Variants in FSTL4 observed in about 807,000 individuals in gnomAD.
FSTL4 encodes follistatin like 4.
Under a neutral mutation model 78.2 loss-of-function variants are expected in FSTL4, and 28 were observed. The ratio of observed to expected loss-of-function variants is 0.36; its 90% CI spans 0.27 to 0.49. The LOEUF (loss-of-function observed/expected upper bound fraction) is 0.49. FSTL4 is among the 20% of genes least tolerant of loss of function. The pLI is 0.98. For synonymous variants in FSTL4, 422 were observed against 440.5 expected (o/e 0.96, Z 0.53); for missense variants, 922 against 1,084.9 (o/e 0.85, Z 2.11).
chr5:133,750,595 C>A, the FSTL4 span, among the ~76,000 whole-genome samples: 2 of 152,086 alleles, frequency 1.3e-5, no homozygotes, highest in African/African-American at 2.4e-5. Context: ...GAGAGAGGAG[C>A]GCGAGGGAAA....
chr5:133,784,932 C>T, the FSTL4 span, among the ~76,000 whole-genome samples: 113,576 of 152,036 alleles, frequency 0.75, 42,578 homozygotes, highest in East Asian at 0.92. Context: ...TAGGTTCAGC[C>T]GCATCATCTA....
At chr5:133,238,778 G>C (rs981228447) in intron 7 of FSTL4, among the ~76,000 whole-genome samples, 1 of 152,218 alleles carries the variant, frequency 6.6e-6, no homozygotes, top group African/African-American at 2.4e-5. Flanking sequence ...CTGAGGTTAC[G>C]GCGACATTCA....
intron 3 of FSTL4, among the ~76,000 whole-genome samples, chr5:133,419,040 T>C (rs1756637309): frequency 6.6e-6 from 1 of 152,260 alleles, no homozygotes; most frequent in South Asian, 2.1e-4. Flanking sequence ...CATAATTATT[T>C]TGAGATTCGT....
the FSTL4 span, among the ~76,000 whole-genome samples, chr5:133,744,691 C>T: frequency 2.0e-5 from 3 of 152,122 alleles, no homozygotes; most frequent in East Asian, 1.9e-4. Flanking sequence ...ATCTGTATCC[C>T]CCTTTCTGCC....
chr5:133,770,088 G>A, the FSTL4 span, among the ~76,000 whole-genome samples: 2 of 152,098 alleles, frequency 1.3e-5, no homozygotes, highest in African/African-American at 4.8e-5. Context: ...GTGTGTTTGT[G>A]TGTGTGGGTG....
intron 3 of FSTL4, among the ~76,000 whole-genome samples, chr5:133,486,412 A>C (rs1758136626): frequency 6.7e-6 from 1 of 149,066 alleles, no homozygotes; most frequent in Non-Finnish European, 1.5e-5. Flanking sequence ...ACGGCAGAGG[A>C]GGGGGGATTG....
chr5:133,200,198 G>A (rs960733499), intron 15 of FSTL4, among the ~76,000 whole-genome samples: 3 of 152,332 alleles, frequency 2.0e-5, no homozygotes, highest in African/African-American at 2.4e-5. Context: ...TCCCTGCCCC[G>A]ATTCTGCCTG....
chr5:133,517,721 G>T (rs1429735338), intron 3 of FSTL4, among the ~76,000 whole-genome samples: 5 of 151,010 alleles, frequency 3.3e-5, no homozygotes, highest in Non-Finnish European at 7.4e-5. Flanking sequence ...AAATCTGCAG[G>T]GTAGGCTGGC....
chr5:133,630,816 G>C, the FSTL4 span, among the ~76,000 whole-genome samples: 3 of 152,166 alleles, frequency 2.0e-5, no homozygotes, highest in East Asian at 5.8e-4. Context: ...ACAGAACAGA[G>C]ACCTTGGAAA....
chr5:133,838,973 GTTGTCC>G, the FSTL4 span, among the ~76,000 whole-genome samples: 5 of 152,210 alleles, frequency 3.3e-5, no homozygotes, highest in African/African-American at 1.2e-4. Flanking sequence ...AATGGCTCCA[GTTGTCC>G]TTGATAGGAG....
chr5:133,437,150 T>C (rs1580707620), intron 3 of FSTL4, among the ~76,000 whole-genome samples: 1 of 152,306 alleles, frequency 6.6e-6, no homozygotes, highest in East Asian at 1.9e-4. Context: ...TATTTGTTTT[T>C]CTGGCAGGAA....
chr5:133,299,464 C>T (rs753230361), intron 6 of FSTL4, among the ~76,000 whole-genome samples: 12 of 152,168 alleles, frequency 7.9e-5, no homozygotes, highest in Non-Finnish European at 1.2e-4. Flanking sequence ...TCTAACCAGG[C>T]GGCGGCTGGC....
chr5:133,821,223 G>GC, the FSTL4 span, among the ~76,000 whole-genome samples: 1 of 152,280 alleles, frequency 6.6e-6, no homozygotes, highest in Admixed American at 6.5e-5. Flanking sequence ...TTTCTTGAGG[G>GC]TTTCATGCTA....
At chr5:133,837,887 T>TTA in the FSTL4 span, among the ~76,000 whole-genome samples, 2,586 of 151,062 alleles carry the variant, frequency 0.017, 52 homozygotes, top group African/African-American at 0.038. Flanking sequence ...TATTTTTATT[T>TTA]TATATATATA....
chr5:133,831,634 A>G, the FSTL4 span, among the ~76,000 whole-genome samples: 1 of 152,232 alleles, frequency 6.6e-6, no homozygotes, highest in Non-Finnish European at 1.5e-5. Context: ...GGGCCCTTAT[A>G]TCCTCTGATT....
chr5:133,597,014 A>T (rs1299127132), intron 2 of FSTL4, among the ~76,000 whole-genome samples: 1 of 151,936 alleles, frequency 6.6e-6, no homozygotes, highest in South Asian at 2.1e-4. Flanking sequence ...CCACCTGGCC[A>T]CACTTCCTCC....
chr5:133,569,893 C>T (rs974812384), intron 2 of FSTL4, among the ~76,000 whole-genome samples: 1 of 152,040 alleles, frequency 6.6e-6, no homozygotes, highest in East Asian at 1.9e-4. Flanking sequence ...GATTGGTCTA[C>T]CAATCTCATA....
At chr5:133,498,111 T>C (rs1182790453) in intron 3 of FSTL4, among the ~76,000 whole-genome samples, 25 of 152,164 alleles carry the variant, frequency 1.6e-4, no homozygotes, top group Admixed American at 1.6e-3. Flanking sequence ...ATACTGGGAG[T>C]TGGAGCAGTG....
chr5:133,838,902 C>T, the FSTL4 span, among the ~76,000 whole-genome samples: 1 of 152,180 alleles, frequency 6.6e-6, no homozygotes, highest in Non-Finnish European at 1.5e-5. Context: ...AGACATCACA[C>T]GCATGGGCAC....
Sources: allele counts gnomAD v4.1 joint callset (sites outside exome capture counted in the v4.1 genomes callset), GRCh38; gene constraint gnomAD v4.1.1; transcripts MANE v1.5; gene names NCBI Gene and HGNC (gene_info 2026-07-23, HGNC 2026-07-21).